THSD7B: variants seen among roughly 807,000 people sequenced by gnomAD.
THSD7B encodes the protein thrombospondin type-1 domain-containing protein 7B.
Under a neutral mutation model 213.6 loss-of-function variants are expected in THSD7B, and 138 were observed. The observed-to-expected ratio is 0.65, with a 90% CI of 0.56 to 0.74. The LOEUF is 0.74. THSD7B is among the 30% of genes least tolerant of loss of function. The pLI is 0.00. For synonymous variants in THSD7B, 742 were observed against 687.0 expected (o/e 1.08, Z -1.25); for missense variants, 1,931 against 1,991.5 (o/e 0.97, Z 0.58).
At chr2:137,422,078 A>G (rs13419100) in intron 14 of THSD7B, among the ~76,000 whole-genome samples, 4,698 of 152,306 alleles carry the variant, frequency 0.031, 212 homozygotes, top group African/African-American at 0.1. Flanking sequence ...GTGAAAAACA[A>G]TTTGAAACTT....
Position 137,531,556 on chromosome 2 carries a change from AT to A in THSD7B, c.3139-31664del, listed in dbSNP as rs759842263. Among the ~76,000 whole-genome samples the A allele has an allele frequency of 5.2e-4, 79 of 152,048 alleles. 1 individual carries two copies. The highest frequency in any genetic ancestry group is 8.2e-4 in the Non-Finnish European group (56 of 67,924). On this transcript the variant is annotated intron_variant, in intron 15 of 27. Coordinates refer to ENST00000409968, the MANE Select transcript of THSD7B (RefSeq NM_001316349.2). ...AGAGTTTTTTAAGCAGTAAAATTGCATGGAAATTTATATAATTATACCTTTA... is the reference window on the plus strand; with the variant it reads ...AGAGTTTTTTAAGCAGTAAAATTGCAGGAAATTTATATAATTATACCTTTA...
intron 4 of THSD7B, among the ~76,000 whole-genome samples, chr2:137,107,869 C>T (rs1440166352): frequency 6.6e-6 from 1 of 152,182 alleles, no homozygotes; most frequent in Non-Finnish European, 1.5e-5. Context: ...AATAGTCCCA[C>T]TTTATCCAAT....
At chr2:137,427,159 GAA>G (rs1687078069) in intron 14 of THSD7B, among the ~76,000 whole-genome samples, 1 of 152,026 alleles carries the variant, frequency 6.6e-6, no homozygotes. Context: ...GAGATGTAAA[GAA>G]AAGAGAACCT....
chr2:137,464,660 A>G (rs918080984), intron 15 of THSD7B, among the ~76,000 whole-genome samples: 6 of 152,086 alleles, frequency 3.9e-5, no homozygotes, highest in Non-Finnish European at 8.8e-5. Context: ...TACAGATTCC[A>G]GTAGTTGGAA....
At chr2:137,168,099 G>C (rs1233515029) in intron 6 of THSD7B, among the ~76,000 whole-genome samples, 7 of 152,176 alleles carry the variant, frequency 4.6e-5, no homozygotes, top group Non-Finnish European at 1.0e-4. Flanking sequence ...GATTCATTTA[G>C]AGTAATAAAG....
chr2:137,001,607 A>G (rs1441534773), intron 2 of THSD7B, among the ~76,000 whole-genome samples: 1 of 152,126 alleles, frequency 6.6e-6, no homozygotes, highest in Non-Finnish European at 1.5e-5. Flanking sequence ...GAGATGCTTC[A>G]AGTATGGCAA....
chr2:137,448,753 T>C (rs750098930), intron 14 of THSD7B, among the ~76,000 whole-genome samples: 89 of 151,860 alleles, frequency 5.9e-4, no homozygotes, highest in South Asian at 1.5e-3. Context: ...GAGCCGAGAT[T>C]GCGCCACTGC....
rs564818952 is a variant in THSD7B at position 137,483,888 on chromosome 2, C to A, written c.3138+32865C>A. 2.0e-5 allele frequency among the ~76,000 whole-genome samples: 3 copies of A among 152,182 alleles called. No homozygotes were observed. In the South Asian group the frequency reaches 6.2e-4, roughly 32 times the overall value. ...GGATAGAAACTTGAGGGAGCGAGAC[C>A]TAAAGAAGAATCAGTTTTCAAGCTT... On this transcript the variant is annotated intron_variant, in intron 15 of 27. Coordinates refer to ENST00000409968, the MANE Select transcript of THSD7B (RefSeq NM_001316349.2).
chr2:137,367,242 G>A (rs969319396), intron 12 of THSD7B, among the ~76,000 whole-genome samples: 1 of 152,124 alleles, frequency 6.6e-6, no homozygotes, highest in African/African-American at 2.4e-5. Flanking sequence ...CTGGATTCCA[G>A]ACACATTTCT....
chr2:136,890,954 T>A (rs181374856), intron 2 of THSD7B, among the ~76,000 whole-genome samples: 1 of 152,246 alleles, frequency 6.6e-6, no homozygotes, highest in East Asian at 1.9e-4. Flanking sequence ...TCTTCAATTT[T>A]TAGATAATTT....
intron 2 of THSD7B, among the ~76,000 whole-genome samples, chr2:136,988,083 C>T (rs1178979807): frequency 2.6e-5 from 4 of 152,126 alleles, no homozygotes; most frequent in Admixed American, 6.5e-5. Context: ...GTTTAATTGT[C>T]ACCACAATCC....
chr2:136,928,325 G>A (rs1278818675), intron 2 of THSD7B, among the ~76,000 whole-genome samples: 3 of 152,140 alleles, frequency 2.0e-5, no homozygotes, highest in African/African-American at 7.2e-5. Flanking sequence ...CTTGAAGTGT[G>A]GTTTCTACTA....
intron 12 of THSD7B, among the ~76,000 whole-genome samples, chr2:137,338,303 C>A (rs1422837081): frequency 6.6e-6 from 1 of 151,980 alleles, no homozygotes; most frequent in East Asian, 1.9e-4. Context: ...TCTAAGGGAC[C>A]TAGGTAAAAG....
chr2:137,453,746 C>T (rs947806408), intron 15 of THSD7B, among the ~76,000 whole-genome samples: 1 of 152,050 alleles, frequency 6.6e-6, no homozygotes, highest in African/African-American at 2.4e-5. Context: ...AGATTTTGTG[C>T]CCTTTGAGCA....
chr2:137,667,146 C>T (rs912098370), intron 26 of THSD7B, among the ~76,000 whole-genome samples: 1 of 152,130 alleles, frequency 6.6e-6, no homozygotes, highest in Non-Finnish European at 1.5e-5. Flanking sequence ...TGACTATAAA[C>T]ACCTTAAAAT....
At chr2:136,940,092 G>A (rs1256621883) in intron 2 of THSD7B, among the ~76,000 whole-genome samples, 1 of 152,060 alleles carries the variant, frequency 6.6e-6, no homozygotes, top group Non-Finnish European at 1.5e-5. Flanking sequence ...TAATGGTAAA[G>A]ACTGAGCTTT....
chr2:136,791,461 A>G (rs1681962768), intron 1 of THSD7B, among the ~76,000 whole-genome samples: 1 of 152,002 alleles, frequency 6.6e-6, no homozygotes, highest in Non-Finnish European at 1.5e-5. Flanking sequence ...CATCACTACA[A>G]TAAATTTTAA....
At chr2:137,558,529 A>G (rs1681035654) in intron 15 of THSD7B, among the ~76,000 whole-genome samples, 2 of 152,208 alleles carry the variant, frequency 1.3e-5, no homozygotes, top group East Asian at 1.9e-4. Context: ...CATTCTAAAA[A>G]CTCTCAATAA....
At chr2:136,775,477 G>A (rs75293657) in intron 1 of THSD7B, among the ~76,000 whole-genome samples, 5,435 of 152,066 alleles carry the variant, frequency 0.036, 311 homozygotes, top group African/African-American at 0.12. Flanking sequence ...TTTTCAACAT[G>A]CCAGGATTCT....
Sources: allele counts gnomAD v4.1 joint callset (sites outside exome capture counted in the v4.1 genomes callset), GRCh38; gene constraint gnomAD v4.1.1; transcripts MANE v1.5; gene names NCBI Gene and HGNC (gene_info 2026-07-23, HGNC 2026-07-21).